The following IGF1R variants were observed in gnomAD, a reference collection of about 807,000 sequenced individuals.
IGF1R encodes insulin-like growth factor 1 receptor.
Under a neutral mutation model 144.6 loss-of-function variants are expected in IGF1R, and 44 were observed. That is an observed-to-expected ratio of 0.30 (90% CI 0.24 to 0.39). The LOEUF (loss-of-function observed/expected upper bound fraction) is 0.39, where lower values mean the gene tolerates loss of function less well. Ranked by LOEUF, IGF1R falls within the 10% of genes least tolerant of loss-of-function variation. IGF1R has a pLI of 1.00. For missense variants in IGF1R, 1,355 were observed against 1,833.7 expected (o/e 0.74, Z 4.77); for synonymous variants, 795 against 722.8 (o/e 1.10, Z -1.60).
chr15:98,925,124 C>G (rs2015660910), intron 13 of IGF1R, among the ~76,000 whole-genome samples: 1 of 152,032 alleles, frequency 6.6e-6, no homozygotes, highest in Non-Finnish European at 1.5e-5. Context: ...TAAGGAACTC[C>G]AGAGGTCATC....
Position 98,957,589 on chromosome 15 carries a change from T to A in IGF1R, c.*147T>A. ...GCCCTTGCTGCCCGCGGGAGACAGC[T>A]TCTCTGCAGTAAAACACATTTGGGA... On this transcript the variant is annotated 3_prime_UTR_variant, in exon 21 of 21. Transcript: ENST00000650285. 1.1e-6 allele frequency: 1 copy of A among 932,516 alleles called. No individual in the cohort carries two copies. Among genetic ancestry groups the A allele is most frequent in the Non-Finnish European group, 1.7e-6 (1 of 601,988 alleles). 57.8% of individuals were successfully genotyped at this position (932,516 alleles called of 1,614,324 possible).
chr15:98,649,191 G>C lies in IGF1R; in HGVS notation c.-391G>C, dbSNP rs559553617. 31 of 219,712 alleles carry C rather than the reference G, an allele frequency of 1.4e-4. No individual in the cohort carries two copies. The East Asian group carries it at 1.9e-3, about 14-fold the overall frequency. 13.6% of individuals were successfully genotyped at this position (219,712 alleles called of 1,614,324 possible). ...CGTCCGGCCGCCTCCCGCGCGGCCA[G>C]GGCCGGGCTTGTTTTTCCTCGCCTA... On this transcript the variant is annotated 5_prime_UTR_variant, in exon 1 of 21. Transcript: ENST00000650285.
At chr15:98,736,800 C>T (rs1016437699) in intron 2 of IGF1R, among the ~76,000 whole-genome samples, 5 of 151,728 alleles carry the variant, frequency 3.3e-5, no homozygotes, top group Middle Eastern at 3.2e-3. Flanking sequence ...TTAGTAGAGA[C>T]GACGTTTCAC....
At chr15:98,688,914 A>G (rs2053404218) in intron 1 of IGF1R, among the ~76,000 whole-genome samples, 1 of 152,158 alleles carries the variant, frequency 6.6e-6, no homozygotes, top group East Asian at 1.9e-4. Flanking sequence ...TTGATTCATC[A>G]GTATATGCAT....
At chr15:98,678,725 C>G (rs750845716) in intron 1 of IGF1R, among the ~76,000 whole-genome samples, 4 of 151,884 alleles carry the variant, frequency 2.6e-5, no homozygotes, top group Non-Finnish European at 4.4e-5. Flanking sequence ...GGTTTTGCCA[C>G]GTTGCGCAGG....
intron 2 of IGF1R, among the ~76,000 whole-genome samples, chr15:98,718,766 G>GC: frequency 6.6e-6 from 1 of 152,292 alleles, no homozygotes; most frequent in East Asian, 1.9e-4. Flanking sequence ...GAGACAAAGA[G>GC]CCTACAGTAC....
chr15:98,702,825 C>G (rs1260091799), intron 1 of IGF1R, among the ~76,000 whole-genome samples: 1 of 152,006 alleles, frequency 6.6e-6, no homozygotes, highest in Non-Finnish European at 1.5e-5. Context: ...GTGGTCCCAG[C>G]TGCTTGGGAG....
chr15:98,721,704 A>C (rs952635124), intron 2 of IGF1R, among the ~76,000 whole-genome samples: 6 of 152,208 alleles, frequency 3.9e-5, no homozygotes, highest in African/African-American at 1.4e-4. Flanking sequence ...GAGGTGCAGG[A>C]ATTTTATAAA....
intron 2 of IGF1R, among the ~76,000 whole-genome samples, chr15:98,779,921 C>T (rs372927166): frequency 1.2e-4 from 18 of 152,182 alleles, no homozygotes; most frequent in African/African-American, 4.3e-4. Context: ...AGCCTGGGGA[C>T]CTGGAGTTAG....
At chr15:98,894,699 T>A (rs1448300433) in intron 3 of IGF1R, among the ~76,000 whole-genome samples, 1 of 152,024 alleles carries the variant, frequency 6.6e-6, no homozygotes, top group Non-Finnish European at 1.5e-5. Context: ...AGGTCAAGAG[T>A]TTGAGACCAG....
chr15:98,916,648 T>C (rs2015263983), intron 9 of IGF1R, 24 bp from the exon 10 acceptor site: 1 of 1,606,928 alleles, frequency 6.2e-7, no homozygotes, highest in Admixed American at 1.7e-5. Context: ...CCCACTCTTG[T>C]TTTGGCTTTT....
At chr15:98,751,510 A>T (rs2055010988) in intron 2 of IGF1R, among the ~76,000 whole-genome samples, 1 of 152,194 alleles carries the variant, frequency 6.6e-6, no homozygotes, top group African/African-American at 2.4e-5. Context: ...GTAAAGTGAC[A>T]TGGGATGAAG....
intron 2 of IGF1R, among the ~76,000 whole-genome samples, chr15:98,847,385 A>G (rs2011372827): frequency 1.3e-5 from 2 of 152,154 alleles, no homozygotes; most frequent in South Asian, 4.1e-4. Flanking sequence ...GTGCCGATAA[A>G]CTAAGAGATG....
intron 1 of IGF1R, among the ~76,000 whole-genome samples, chr15:98,653,397 A>T (rs1179398886): frequency 6.6e-6 from 1 of 152,228 alleles, no homozygotes; most frequent in South Asian, 2.1e-4. Context: ...ATTTTTTGAT[A>T]TGCCACATTG....
rs1331398033 is a variant in IGF1R at position 98,698,039 on chromosome 15, T to C, written c.95-9523T>C. ...CGTGAGCCGCCGCGCCTGGCCTTCC[T>C]TTTTTTTTTTTTTTTAAGAGATGGA... On this transcript the variant is annotated intron_variant, in intron 1 of 20. Coordinates refer to ENST00000650285, the MANE Select transcript of IGF1R (RefSeq NM_000875.5). Among the ~76,000 whole-genome samples, 11 of 57,498 alleles carry C rather than the reference T, an allele frequency of 1.9e-4. No individual in the cohort carries two copies. In the East Asian group the frequency reaches 3.9e-3, roughly 20 times the overall value. The allele number at this position is 57,498 out of a possible 152,430, so 37.7% of individuals were successfully genotyped here.
intron 3 of IGF1R, among the ~76,000 whole-genome samples, chr15:98,895,461 AAAC>A (rs1412468856): frequency 6.6e-6 from 1 of 152,166 alleles, no homozygotes; most frequent in Non-Finnish European, 1.5e-5. Context: ...GATAAATTAG[AAAC>A]AACAGAAGGC....
intron 2 of IGF1R, among the ~76,000 whole-genome samples, chr15:98,806,577 A>G (rs747228444): frequency 6.6e-6 from 1 of 152,190 alleles, no homozygotes; most frequent in Non-Finnish European, 1.5e-5. Flanking sequence ...AACACTTTCT[A>G]ATAGGTGTTA....
At chr15:98,830,603 A>ACCTTT (rs949484748) in intron 2 of IGF1R, among the ~76,000 whole-genome samples, 8 of 133,722 alleles carry the variant, frequency 6.0e-5, no homozygotes, top group African/African-American at 2.3e-4. Context: ...TCTGATCATC[A>ACCTTT]TCTTTTTTTT....
intron 2 of IGF1R, among the ~76,000 whole-genome samples, chr15:98,847,733 TC>T (rs1265035139): frequency 6.6e-6 from 1 of 152,190 alleles, no homozygotes; most frequent in Non-Finnish European, 1.5e-5. Context: ...GAATGTTTAT[TC>T]CCCCCTTTAC....
Sources: allele counts gnomAD v4.1 joint callset (sites outside exome capture counted in the v4.1 genomes callset), GRCh38; gene constraint gnomAD v4.1.1; transcripts MANE v1.5; gene names NCBI Gene and HGNC (gene_info 2026-07-23, HGNC 2026-07-21).